CCDC7: variants seen among roughly 807,000 people sequenced by gnomAD.
CCDC7 encodes the protein coiled-coil domain-containing protein 7.
A neutral mutation model predicts 196.9 loss-of-function variants in CCDC7; 183 were observed. The ratio of observed to expected loss-of-function variants is 0.93; its 90% CI spans 0.82 to 1.05. The LOEUF is 1.05. Among genes scored for constraint, CCDC7 ranks in the 50% least tolerant of loss-of-function variants. CCDC7 has a pLI of 0.00. For synonymous variants in CCDC7, 525 were observed against 484.6 expected, an observed-to-expected ratio of 1.08 and a Z score of -1.10; for missense variants, 1,540 against 1,482.2, an observed-to-expected ratio of 1.04 and a Z score of -0.64.
chr10:32,841,351 A>G (rs2092959141), intron 33 of CCDC7, among the ~76,000 whole-genome samples: 1 of 152,080 alleles, frequency 6.6e-6, no homozygotes, highest in Non-Finnish European at 1.5e-5. Context: ...GCTGTACACC[A>G]ACAGTGACCA....
In CCDC7 at chr10:32,583,030, A is replaced by G; in HGVS notation, c.1455-4A>G. The G allele has an allele frequency of 8.1e-7, 1 of 1,230,496 alleles. No homozygotes were observed. Among genetic ancestry groups the G allele is most frequent in the East Asian group, 3.2e-5 (1 of 31,564 alleles). 76.2% of individuals were successfully genotyped at this position (1,230,496 alleles called of 1,614,324 possible). Reference sequence around the variant, plus strand: ...CTAATACCAGATGTTTTATAATTCTAAAGCTCAGAGAAGAAACGATCTAGC... The same window carrying G: ...CTAATACCAGATGTTTTATAATTCTGAAGCTCAGAGAAGAAACGATCTAGC... On this transcript the variant is annotated splice_polypyrimidine_tract_variant and splice_region_variant and intron_variant, in intron 16 of 41. Coordinates refer to ENST00000639629, the Ensembl canonical transcript of CCDC7.
intron 18 of CCDC7, among the ~76,000 whole-genome samples, chr10:32,590,226 A>G (rs1426512112): frequency 1.3e-5 from 2 of 151,672 alleles, no homozygotes; most frequent in Non-Finnish European, 2.9e-5. Flanking sequence ...TTGTGTGTCC[A>G]TTGTATATAT....
intron 20 of CCDC7, among the ~76,000 whole-genome samples, chr10:32,643,841 A>AATTAATTTTCAAAATTATTTTGAAT (rs2067268540): frequency 7.4e-6 from 1 of 134,732 alleles, no homozygotes; most frequent in Admixed American, 6.9e-5. Flanking sequence ...TTTTTTTGAA[A>AATTAATTTTCAAAATTATTTTGAAT]ATTAATTTTC....
intron 30 of CCDC7, among the ~76,000 whole-genome samples, chr10:32,805,345 C>T (rs1246238859): frequency 6.6e-6 from 1 of 152,094 alleles, no homozygotes; most frequent in Non-Finnish European, 1.5e-5. Context: ...GTATAGTGAG[C>T]TTAGAATATA....
intron 38 of CCDC7, 107 bp from the exon 40 acceptor site, chr10:32,848,489 G>T: frequency 3.8e-6 from 3 of 797,560 alleles, no homozygotes; most frequent in Non-Finnish European, 5.9e-6. Context: ...TAAAATGTGG[G>T]AAGAAAAATT....
intron 15 of CCDC7, among the ~76,000 whole-genome samples, chr10:32,570,474 A>G (rs909575295): frequency 2.6e-5 from 4 of 152,226 alleles, no homozygotes; most frequent in Admixed American, 6.5e-5. Flanking sequence ...CACAAAATGT[A>G]TGATGGCTCA....
intron 32 of CCDC7, among the ~76,000 whole-genome samples, chr10:32,828,485 G>GGAAGAAGAAGAAAAGAAGAAGAAGAAGAA (rs2091622546): frequency 2.0e-5 from 1 of 49,676 alleles, no homozygotes; most frequent in African/African-American, 6.3e-5. Context: ...AAGAGGAAGA[G>GGAAGAAGAAGAAAAGAAGAAGAAGAAGAA]GAAGAAGAAG....
chr10:32,753,346 A>G (rs1318495789), intron 28 of CCDC7, among the ~76,000 whole-genome samples: 2 of 152,174 alleles, frequency 1.3e-5, no homozygotes, highest in Non-Finnish European at 2.9e-5. Context: ...TTTGATTTTT[A>G]TATCTGGACC....
intron 11 of CCDC7, among the ~76,000 whole-genome samples, chr10:32,532,090 T>C (rs1173924895): frequency 1.3e-5 from 2 of 152,116 alleles, no homozygotes; most frequent in Non-Finnish European, 2.9e-5. Flanking sequence ...TTGGGTTTGA[T>C]TTCTTTTTCC....
chr10:32,858,913 T>C (rs2093865572), intron 41 of CCDC7, among the ~76,000 whole-genome samples: 1 of 151,978 alleles, frequency 6.6e-6, no homozygotes, highest in Non-Finnish European at 1.5e-5. Context: ...CCCAGTTTCA[T>C]AAAAAAAGTT....
At chr10:32,483,460 A>G (rs1382211252) in intron 8 of CCDC7, among the ~76,000 whole-genome samples, 1 of 152,112 alleles carries the variant, frequency 6.6e-6, no homozygotes, top group African/African-American at 2.4e-5. Flanking sequence ...GTTCACTCTG[A>G]TGGTAGTTTC....
rs564221979 is a variant in CCDC7, at chr10:32,696,357, C to T, written c.2458+1365C>T. Among the ~76,000 whole-genome samples the T allele has an allele frequency of 5.1e-4, 78 of 152,174 alleles. No homozygotes were observed. In the South Asian group the frequency reaches 0.016, roughly 30 times the overall value. On this transcript the variant is annotated intron_variant, in intron 24 of 41. Coordinates refer to ENST00000639629, the Ensembl canonical transcript of CCDC7. ...TTTGGGGATCACAGTCGCCTGTGCA[C>T]TATTATGCAAAAGGCCCAAGAAATG...
At chr10:32,594,456 C>T (rs1037340373) in intron 18 of CCDC7, among the ~76,000 whole-genome samples, 10 of 152,218 alleles carry the variant, frequency 6.6e-5, no homozygotes, top group South Asian at 2.1e-4. Flanking sequence ...TGGGCTGAGA[C>T]GATGGGGTTT....
chr10:32,738,830 T>C (rs1286768837), intron 28 of CCDC7, among the ~76,000 whole-genome samples: 1 of 152,172 alleles, frequency 6.6e-6, no homozygotes, highest in Non-Finnish European at 1.5e-5. Context: ...GACCTGTGTT[T>C]CTGACATGTA....
chr10:32,548,658 C>T (rs2052922517), intron 13 of CCDC7, among the ~76,000 whole-genome samples: 1 of 152,062 alleles, frequency 6.6e-6, no homozygotes, highest in Non-Finnish European at 1.5e-5. Flanking sequence ...TGAGAACATC[C>T]GATGTTTGGT....
intron 23 of CCDC7, among the ~76,000 whole-genome samples, chr10:32,689,858 C>T (rs2076881762): frequency 6.6e-6 from 1 of 152,066 alleles, no homozygotes; most frequent in Non-Finnish European, 1.5e-5. Flanking sequence ...CCTCAGCCTC[C>T]TGAGTAGCTG....
At chr10:32,564,799 T>TA (rs772136689) in intron 13 of CCDC7, among the ~76,000 whole-genome samples, 32 of 143,848 alleles carry the variant, frequency 2.2e-4, no homozygotes, top group East Asian at 4.0e-4. Context: ...ACTTAAAGTA[T>TA]AAAAAAAAAA....
At chr10:32,818,674 A>G (rs2089423429) in intron 31 of CCDC7, among the ~76,000 whole-genome samples, 1 of 152,236 alleles carries the variant, frequency 6.6e-6, no homozygotes, top group African/African-American at 2.4e-5. Context: ...AAAACTCAGG[A>G]TTAAGTAACT....
intron 18 of CCDC7, among the ~76,000 whole-genome samples, chr10:32,594,391 A>G (rs1353244711): frequency 1.3e-5 from 2 of 152,160 alleles, no homozygotes; most frequent in Non-Finnish European, 2.9e-5. Context: ...ATTTTTGCAC[A>G]TTGATTTTGT....
Sources: allele counts gnomAD v4.1 joint callset (sites outside exome capture counted in the v4.1 genomes callset), GRCh38; gene constraint gnomAD v4.1.1; transcripts MANE v1.5; gene names NCBI Gene and HGNC (gene_info 2026-07-23, HGNC 2026-07-21).